Variants in TLN2 observed in about 807,000 individuals in gnomAD.
The protein encoded by TLN2 is talin 2, also known as talin-2.
Under a neutral mutation model 294.7 loss-of-function variants are expected in TLN2, and 118 were observed. That is an observed-to-expected ratio of 0.40 (90% CI 0.34 to 0.47). The LOEUF (loss-of-function observed/expected upper bound fraction) is 0.47, where lower values mean the gene tolerates loss of function less well. Among genes scored for constraint, TLN2 ranks in the 20% least tolerant of loss-of-function variants. The pLI is 0.84. For synonymous variants in TLN2, 1,431 were observed against 1,304.5 expected, an observed-to-expected ratio of 1.10 and a Z score of -2.09; for missense variants, 3,083 against 3,282.2, an observed-to-expected ratio of 0.94 and a Z score of 1.48.
intron 57 of TLN2, among the ~76,000 whole-genome samples, chr15:62,837,718 T>C (rs2069909418): frequency 6.6e-6 from 1 of 152,184 alleles, no homozygotes; most frequent in South Asian, 2.1e-4. Context: ...ATCAGAAAAG[T>C]GGGCTAAAGA....
chr15:62,617,770 A>T (rs2140845329), intron 2 of TLN2, among the ~76,000 whole-genome samples: 1 of 152,320 alleles, frequency 6.6e-6, no homozygotes, highest in South Asian at 2.1e-4. Flanking sequence ...ATAGAGGAGA[A>T]GGATGTTAGT....
intron 1 of TLN2, among the ~76,000 whole-genome samples, chr15:62,423,646 T>C (rs1374393595): frequency 1.3e-5 from 2 of 152,032 alleles, no homozygotes; most frequent in Non-Finnish European, 2.9e-5. Flanking sequence ...AGTGGCATGA[T>C]CTCGGCTCAC....
chr15:62,803,556 T>A (rs2066075367), intron 50 of TLN2, among the ~76,000 whole-genome samples: 1 of 152,362 alleles, frequency 6.6e-6, no homozygotes, highest in South Asian at 2.1e-4. Flanking sequence ...GCTTACTAAT[T>A]ATTTCTTCTA....
At chr15:62,540,339 TAAAA>T (rs1461834836) in intron 1 of TLN2, among the ~76,000 whole-genome samples, 1 of 142,312 alleles carries the variant, frequency 7.0e-6, no homozygotes, top group Non-Finnish European at 1.5e-5. Context: ...GACGCCATCT[TAAAA>T]TAAATAAATA....
chr15:62,747,206 C>A (rs2061666281), intron 32 of TLN2, among the ~76,000 whole-genome samples: 1 of 152,210 alleles, frequency 6.6e-6, no homozygotes, highest in Non-Finnish European at 1.5e-5. Flanking sequence ...CCAGGAGGGA[C>A]AGAGTCCTTG....
At position 62,742,201 on chromosome 15, in the gene TLN2, A is replaced by G. The variant is rs78279077; in HGVS notation, c.4025+1432A>G. Among the ~76,000 whole-genome samples, 309 of 152,248 alleles carry G rather than the reference A, an allele frequency of 2.0e-3. 14 individuals are homozygous for G. In the East Asian group the frequency reaches 0.054, roughly 27 times the overall value. On this transcript the variant is annotated intron_variant, in intron 32 of 58. Coordinates refer to ENST00000636159, the MANE Select transcript of TLN2 (RefSeq NM_015059.3). The stretch of plus-strand genomic sequence containing the variant: ...TAGGGGACTGGAAAATTATCTTCCC[A>G]TCTCATGCTTTGTTCGTGACTGTTC...
At chr15:62,427,568 G>T (rs757412929) in intron 1 of TLN2, among the ~76,000 whole-genome samples, 7 of 152,004 alleles carry the variant, frequency 4.6e-5, no homozygotes, top group Non-Finnish European at 1.0e-4. Context: ...TTGCTGGGCT[G>T]GGGGGTGGAT....
intron 36 of TLN2, chr15:62,755,305 CACT>C: frequency 7.8e-6 from 4 of 509,996 alleles, no homozygotes; most frequent in Non-Finnish European, 1.4e-5. Flanking sequence ...CCTATCCCAC[CACT>C]ATGTCAGCAC....
intron 41 of TLN2, among the ~76,000 whole-genome samples, 166 bp from the exon 42 acceptor site, chr15:62,770,798 G>C (rs965510403): frequency 6.6e-6 from 1 of 152,162 alleles, no homozygotes; most frequent in Non-Finnish European, 1.5e-5. Context: ...AACCAAGAAA[G>C]AGTCCATTAA....
intron 1 of TLN2, among the ~76,000 whole-genome samples, chr15:62,482,775 A>G (rs1022882278): frequency 2.6e-5 from 4 of 152,146 alleles, no homozygotes; most frequent in African/African-American, 7.2e-5. Context: ...CAGGGCTTCA[A>G]AGTCTTCTAA....
intron 1 of TLN2, among the ~76,000 whole-genome samples, chr15:62,570,824 C>T (rs1462588423): frequency 2.0e-5 from 3 of 152,164 alleles, no homozygotes; most frequent in Non-Finnish European, 4.4e-5. Flanking sequence ...GGTTGAGAAC[C>T]ACTGGCTAAG....
chr15:62,469,648 G>C (rs1180622174), intron 1 of TLN2, among the ~76,000 whole-genome samples: 4 of 152,170 alleles, frequency 2.6e-5, no homozygotes, highest in Admixed American at 2.6e-4. Flanking sequence ...TGTGTGCTTG[G>C]CTTGATTCTG....
chr15:62,659,628 C>T (rs2053601523), intron 9 of TLN2, among the ~76,000 whole-genome samples: 1 of 152,204 alleles, frequency 6.6e-6, no homozygotes. Context: ...AAGAGTTAAG[C>T]AATTGCATTG....
chr15:62,841,218 G>C lies in TLN2; in HGVS notation c.*608G>C, dbSNP rs1369520131. ...GTGTGTAAGCTCCTTGTACAACCCA[G>C]ACCCATCTTGTATTTTGTGGCCCAG... On this transcript the variant is annotated 3_prime_UTR_variant, in exon 59 of 59. Transcript: ENST00000636159. 6.5e-6 allele frequency: 1 copy of C among 152,736 alleles called. No individual in the cohort carries two copies. The highest frequency in any genetic ancestry group is 1.5e-5 in the Non-Finnish European group (1 of 68,138). The allele number at this position is 152,736 out of a possible 1,614,324, so 9.5% of individuals were successfully genotyped here.
At chr15:62,550,215 G>A (rs749037532) in intron 1 of TLN2, among the ~76,000 whole-genome samples, 3 of 152,168 alleles carry the variant, frequency 2.0e-5, no homozygotes, top group Non-Finnish European at 4.4e-5. Context: ...AGCCAGCAGA[G>A]TATGTAATGT....
chr15:62,722,885 A>G (rs1450656090), intron 26 of TLN2, among the ~76,000 whole-genome samples: 3 of 152,214 alleles, frequency 2.0e-5, no homozygotes, highest in African/African-American at 7.2e-5. Flanking sequence ...TGAACTTAAT[A>G]ACAAATTATA....
chr15:62,795,054 G>A (rs1367085638), intron 46 of TLN2, among the ~76,000 whole-genome samples: 1 of 152,216 alleles, frequency 6.6e-6, no homozygotes, highest in Non-Finnish European at 1.5e-5. Context: ...GGTGTGCTGT[G>A]GCGTCCCGGG....
intron 1 of TLN2, among the ~76,000 whole-genome samples, chr15:62,518,893 C>T (rs745815800): frequency 1.3e-5 from 2 of 152,096 alleles, no homozygotes; most frequent in African/African-American, 2.4e-5. Flanking sequence ...CCATGGCGTC[C>T]GGCTTGCAAT....
intron 1 of TLN2, among the ~76,000 whole-genome samples, chr15:62,572,662 A>G (rs2043985006): frequency 6.6e-6 from 1 of 152,226 alleles, no homozygotes; most frequent in South Asian, 2.1e-4. Flanking sequence ...ATTGGAGACT[A>G]AACTGAGTCC....
Sources: allele counts gnomAD v4.1 joint callset (sites outside exome capture counted in the v4.1 genomes callset), GRCh38; gene constraint gnomAD v4.1.1; transcripts MANE v1.5; gene names NCBI Gene and HGNC (gene_info 2026-07-23, HGNC 2026-07-21).